SH3BGRL2: variants seen among roughly 807,000 people sequenced by gnomAD.
SH3BGRL2 encodes SH3 domain binding glutamate rich protein like 2.
A neutral mutation model predicts 14.8 loss-of-function variants in SH3BGRL2; 21 were observed. The ratio of observed to expected loss-of-function variants is 1.42; its 90% confidence interval spans 1.01 to 2.05. The LOEUF (loss-of-function observed/expected upper bound fraction) is 2.05. Among genes scored for constraint, SH3BGRL2 ranks in the 30% most tolerant of loss-of-function variants. SH3BGRL2 has a pLI of 0.00. For missense variants in SH3BGRL2, 147 were observed against 130.8 expected (o/e 1.12, Z -0.61); for synonymous variants, 50 against 47.8 (o/e 1.05, Z -0.19).
At chr6:79,615,091 A>G in the SH3BGRL2 span, among the ~76,000 whole-genome samples, 3 of 152,186 alleles carry the variant, frequency 2.0e-5, no homozygotes, top group Non-Finnish European at 4.4e-5. Context: ...CTCACTGTCA[A>G]CATCCTGCAG....
chr6:79,696,550 A>G lies in SH3BGRL2; in HGVS notation c.297A>G (p.Pro99=). 2 of 1,569,426 alleles carry G rather than the reference A, an allele frequency of 1.3e-6. No individual in the cohort carries two copies. Among genetic ancestry groups the G allele is most frequent in the Non-Finnish European group, 8.6e-7 (1 of 1,166,688 alleles). The change falls in exon 3 of 4, where the codon CCA becomes CCG. Residue 99 remains proline, a synonymous_variant. Transcript: ENST00000369838. ...NTVFSFLGLK[P]RLASKAEP ...TCTTTTCATTTTTAGGCCTGAAACC[A>G]CGGTTGGCATCAAAGGTAGGTAAAT...
intron 2 of SH3BGRL2, among the ~76,000 whole-genome samples, chr6:79,677,366 A>C (rs1471140101): frequency 6.6e-6 from 1 of 152,296 alleles, no homozygotes; most frequent in East Asian, 1.9e-4. Context: ...AGTGTGGACA[A>C]TTGCCTTCTC....
the SH3BGRL2 span, among the ~76,000 whole-genome samples, chr6:79,569,151 C>G: frequency 7.2e-5 from 11 of 152,120 alleles, no homozygotes; most frequent in Non-Finnish European, 1.3e-4. Flanking sequence ...AAAGGTGGGA[C>G]AAATTGAAGC....
intron 1 of SH3BGRL2, among the ~76,000 whole-genome samples, chr6:79,636,810 A>G (rs1054242541): frequency 9.2e-5 from 14 of 152,084 alleles, no homozygotes; most frequent in African/African-American, 3.1e-4. Flanking sequence ...TCCTCTGTGC[A>G]TGTATCTTTG....
chr6:79,579,281 T>A, the SH3BGRL2 span, among the ~76,000 whole-genome samples: 1 of 152,068 alleles, frequency 6.6e-6, no homozygotes, highest in Admixed American at 6.6e-5. Flanking sequence ...AACATTAAAA[T>A]TCAGGAAATA....
chr6:79,556,215 AT>A, the SH3BGRL2 span, among the ~76,000 whole-genome samples: 1 of 152,186 alleles, frequency 6.6e-6, no homozygotes, highest in African/African-American at 2.4e-5. Flanking sequence ...AAAAATTGCA[AT>A]TTCTGCTATG....
chr6:79,702,406 T>C lies in SH3BGRL2; in HGVS notation c.*2897T>C, dbSNP rs72907707. On this transcript the variant is annotated 3_prime_UTR_variant, in exon 4 of 4. Transcript: ENST00000369838. ...CAGGCTGCACTTTGCTCCATATAATTATTGTTTTCAGATTTCAACTTGTAT... is the reference window on the plus strand; with the variant it reads ...CAGGCTGCACTTTGCTCCATATAATCATTGTTTTCAGATTTCAACTTGTAT... 0.012 allele frequency: 1,819 copies of C among 152,736 alleles called. 15 individuals carry two copies. The highest frequency in any genetic ancestry group is 0.017 in the Non-Finnish European group (1,132 of 68,016). 9.5% of individuals were successfully genotyped at this position (152,736 alleles called of 1,614,324 possible).
chr6:79,696,903 C>T (rs1318181906), intron 3 of SH3BGRL2, among the ~76,000 whole-genome samples: 3 of 151,976 alleles, frequency 2.0e-5, no homozygotes, highest in Non-Finnish European at 4.4e-5. Context: ...TTTGAAATAG[C>T]AGACTCAGAG....
intron 1 of SH3BGRL2, among the ~76,000 whole-genome samples, chr6:79,639,092 G>T (rs544794106): frequency 6.6e-6 from 1 of 152,264 alleles, no homozygotes; most frequent in East Asian, 1.9e-4. Flanking sequence ...AGGAAGCAGT[G>T]TGAGGTATTA....
the SH3BGRL2 span, among the ~76,000 whole-genome samples, chr6:79,581,514 C>CA: frequency 5.3e-5 from 8 of 152,190 alleles, no homozygotes; most frequent in Admixed American, 1.3e-4. Context: ...TAATCCATCA[C>CA]ATAAACAGAA....
chr6:79,656,808 G>T (rs1012711229), intron 1 of SH3BGRL2, among the ~76,000 whole-genome samples: 8 of 152,064 alleles, frequency 5.3e-5, no homozygotes, highest in African/African-American at 1.7e-4. Flanking sequence ...TGGTATGGGG[G>T]TTGGGGAGAG....
rs185873834 is a variant in SH3BGRL2 at position 79,631,494 on chromosome 6, G to C, written c.33G>C (p.Ser11=). The change falls in exon 1 of 4, where the codon TCG becomes TCC. Residue 11 remains serine (S), a synonymous_variant. Transcript: ENST00000369838. The part of the protein sequence containing the change: MVIRVFIASS[S]GFVAIKKKQQ... ...TCCGCGTGTTCATCGCCTCTTCCTC[G>C]GGCTTCGTGGCGGTGAGCGCGGTGG... 42 of 1,487,356 alleles carry C rather than the reference G, an allele frequency of 2.8e-5. No individual in the cohort carries two copies. Among genetic ancestry groups the C allele is most frequent in the Admixed American group, 4.4e-5 (2 of 45,028 alleles). The allele number at this position is 1,487,356 out of a possible 1,614,324, so 92.1% of individuals were successfully genotyped here.
At chr6:79,563,468 C>T in the SH3BGRL2 span, among the ~76,000 whole-genome samples, 1 of 152,062 alleles carries the variant, frequency 6.6e-6, no homozygotes, top group Non-Finnish European at 1.5e-5. Context: ...CCCTCACTGA[C>T]TCTTGGCTTA....
chr6:79,580,677 A>G, the SH3BGRL2 span, among the ~76,000 whole-genome samples: 1 of 152,242 alleles, frequency 6.6e-6, no homozygotes, highest in Non-Finnish European at 1.5e-5. Context: ...CTAAATGCCC[A>G]CAGGAGAAAG....
chr6:79,649,985 T>TCTCTCTCTCA (rs765159303), intron 1 of SH3BGRL2, among the ~76,000 whole-genome samples: 3 of 141,980 alleles, frequency 2.1e-5, no homozygotes, highest in Non-Finnish European at 3.0e-5. Flanking sequence ...TCTCTCTCTC[T>TCTCTCTCTCA]CACACACACA....
At chr6:79,538,018 GTTTTTTTTTTT>G in the SH3BGRL2 span, among the ~76,000 whole-genome samples, 640 of 44,130 alleles carry the variant, frequency 0.015, 15 homozygotes, top group African/African-American at 0.041. Context: ...TTGCACACAA[GTTTTTTTTTTT>G]TTTTTTTTTT....
the SH3BGRL2 span, among the ~76,000 whole-genome samples, chr6:79,583,178 TTGG>T: frequency 1.3e-5 from 2 of 152,212 alleles, no homozygotes; most frequent in African/African-American, 2.4e-5. Context: ...TTTTACACTG[TTGG>T]TGGTAGTGTA....
At chr6:79,578,139 C>T in the SH3BGRL2 span, among the ~76,000 whole-genome samples, 2 of 152,262 alleles carry the variant, frequency 1.3e-5, no homozygotes, top group Non-Finnish European at 2.9e-5. Flanking sequence ...GGGCGGAGCC[C>T]ACCACAGCTC....
the SH3BGRL2 span, among the ~76,000 whole-genome samples, chr6:79,582,395 G>A: frequency 2.6e-5 from 4 of 152,044 alleles, no homozygotes; most frequent in Non-Finnish European, 1.5e-5. Context: ...ATACTACAAG[G>A]CTACAGTAAC....
Sources: gnomAD v4.1 joint callset for allele counts (sites outside exome capture counted in the v4.1 genomes callset) on GRCh38, gnomAD v4.1.1 for gene constraint, MANE v1.5 for transcripts, NCBI Gene and HGNC (gene_info 2026-07-23, HGNC 2026-07-21) for gene names.